DENND4A: variants seen among roughly 807,000 people sequenced by gnomAD.
The protein encoded by DENND4A is DENN domain containing 4A, also known as C-myc promoter-binding protein.
DENND4A carries 70 observed loss-of-function variants against 199.3 expected under a neutral mutation model. The ratio of observed to expected loss-of-function variants is 0.35; its 90% confidence interval spans 0.29 to 0.43. The LOEUF (loss-of-function observed/expected upper bound fraction) is 0.43, where lower values mean the gene tolerates loss of function less well. Among genes scored for constraint, DENND4A ranks in the 20% least tolerant of loss-of-function variants. The pLI is 1.00. For missense variants in DENND4A, 1,723 were observed against 2,255.8 expected (o/e 0.76, Z 4.78); for synonymous variants, 686 against 766.9 (o/e 0.89, Z 1.74).
intron 24 of DENND4A, among the ~76,000 whole-genome samples, chr15:65,674,891 C>T (rs1566990357): frequency 6.6e-6 from 1 of 152,016 alleles, no homozygotes; most frequent in Middle Eastern, 3.2e-3. Context: ...AAGGAGAAAA[C>T]GTTGGCAGCA....
At chr15:65,760,636 C>T (rs1010885287) in intron 2 of DENND4A, among the ~76,000 whole-genome samples, 1 of 152,104 alleles carries the variant, frequency 6.6e-6, no homozygotes, top group Non-Finnish European at 1.5e-5. Context: ...TGCCTATAAT[C>T]CCAGCACTTT....
chr15:65,764,320 A>T (rs2076926616), intron 1 of DENND4A, among the ~76,000 whole-genome samples: 1 of 152,200 alleles, frequency 6.6e-6, no homozygotes, highest in African/African-American at 2.4e-5. Flanking sequence ...CAACACAGCA[A>T]GACCTCATCT....
At chr15:65,769,873 G>C (rs1326136021) in intron 1 of DENND4A, among the ~76,000 whole-genome samples, 2 of 151,752 alleles carry the variant, frequency 1.3e-5, no homozygotes, top group Non-Finnish European at 2.9e-5. Context: ...TATTACAACT[G>C]CTAAACACAG....
chr15:65,668,198 C>A, intron 27 of DENND4A, 75 bp from the exon 28 acceptor site: 2 of 1,026,872 alleles, frequency 1.9e-6, no homozygotes, highest in Non-Finnish European at 2.7e-6. Context: ...ATCATGTTCT[C>A]TCTCTCTCTC....
At chr15:65,718,712 T>G (rs916693061) in intron 12 of DENND4A, among the ~76,000 whole-genome samples, 2 of 151,656 alleles carry the variant, frequency 1.3e-5, no homozygotes, top group Admixed American at 1.3e-4. Context: ...TTGAAAATAT[T>G]TCAAAAACTG....
chr15:65,683,298 C>T (rs1438673504), intron 23 of DENND4A, among the ~76,000 whole-genome samples: 2 of 152,160 alleles, frequency 1.3e-5, no homozygotes, highest in African/African-American at 4.8e-5. Context: ...TCAGTCTAGC[C>T]AGCAGTGTGT....
chr15:65,767,113 T>C (rs944033575), intron 1 of DENND4A, among the ~76,000 whole-genome samples: 2 of 152,164 alleles, frequency 1.3e-5, no homozygotes, highest in Non-Finnish European at 2.9e-5. Context: ...TATAAACACA[T>C]GGTAGGTGTG....
At chr15:65,726,872 C>T (rs1419076587) in intron 11 of DENND4A, among the ~76,000 whole-genome samples, 12 of 151,548 alleles carry the variant, frequency 7.9e-5, no homozygotes, top group Non-Finnish European at 1.8e-4. Flanking sequence ...AGGAGAATTG[C>T]TTGAACCTGG....
At chr15:65,787,797 T>C (rs1567113351) in intron 1 of DENND4A, among the ~76,000 whole-genome samples, 1 of 152,148 alleles carries the variant, frequency 6.6e-6, no homozygotes, top group Non-Finnish European at 1.5e-5. Flanking sequence ...AAAAAAGCAT[T>C]GTGACCCAGG....
At position 65,701,060 on chromosome 15, in the gene DENND4A, T is replaced by G. The variant is rs1353297303; in HGVS notation, c.2692A>C (p.Thr898Pro). 5 of 1,606,048 alleles carry G rather than the reference T, an allele frequency of 3.1e-6. No individual in the cohort carries two copies. The highest frequency in any genetic ancestry group is 4.2e-6 in the Non-Finnish European group (5 of 1,177,870). Residue 898 changes from threonine to proline, a missense_variant, in exon 19 of 33, where the codon ACT becomes CCT. Thr to Pro is a conservative substitution (Grantham distance 38). Transcript: ENST00000443035. ...LKKHAHLSQT[T>P]LSADGSDLDA... Reference sequence around the variant, plus strand: ...CACATACATCCCTTACCTGAGAGAGTTGTTTGTGATAAGTGTGCATGCTTC... The same window carrying G: ...CACATACATCCCTTACCTGAGAGAGGTGTTTGTGATAAGTGTGCATGCTTC...
chr15:65,729,710 AAAT>A, intron 9 of DENND4A, 32 bp from the exon 10 acceptor site: 2 of 1,533,760 alleles, frequency 1.3e-6, no homozygotes, highest in East Asian at 4.9e-5. Flanking sequence ...TATAATTAAA[AAAT>A]AATGATCCAA....
At position 65,787,259 on chromosome 15, in the gene DENND4A, T is replaced by C. The variant is rs73473630; in HGVS notation, c.-102+4751A>G. Reference sequence around the variant, plus strand: ...AAAACAGCTAAACTGTGTGAACTTATGTATGTATATACACTTTAACATACA... The same window carrying C: ...AAAACAGCTAAACTGTGTGAACTTACGTATGTATATACACTTTAACATACA... On this transcript the variant is annotated intron_variant, in intron 1 of 32. Transcript: ENST00000443035. Among the ~76,000 whole-genome samples the C allele has an allele frequency of 3.1e-3, 466 of 152,336 alleles. 1 individual carries two copies. The highest frequency in any genetic ancestry group is 0.011 in the African/African-American group (452 of 41,588).
chr15:65,710,462 T>C (rs1259249837), intron 14 of DENND4A, among the ~76,000 whole-genome samples: 1 of 152,178 alleles, frequency 6.6e-6, no homozygotes, highest in Non-Finnish European at 1.5e-5. Context: ...GTTACACAAA[T>C]GTATGCCACT....
chr15:65,781,735 A>T (rs2077441114), intron 1 of DENND4A, among the ~76,000 whole-genome samples: 1 of 152,226 alleles, frequency 6.6e-6, no homozygotes, highest in South Asian at 2.1e-4. Flanking sequence ...GATGCTTTGG[A>T]AAGATACTGA....
At chr15:65,791,306 T>G (rs2077713047) in intron 1 of DENND4A, among the ~76,000 whole-genome samples, 1 of 152,160 alleles carries the variant, frequency 6.6e-6, no homozygotes. Context: ...TTCCAGCACA[T>G]CTGTCATTTA....
intron 11 of DENND4A, among the ~76,000 whole-genome samples, chr15:65,724,083 C>T (rs769819069): frequency 7.9e-5 from 12 of 151,908 alleles, no homozygotes; most frequent in Admixed American, 2.0e-4. Context: ...AGAGAGACAA[C>T]GTCTCACTCT....
intron 23 of DENND4A, among the ~76,000 whole-genome samples, chr15:65,687,852 T>C (rs1441806089): frequency 6.6e-6 from 1 of 152,224 alleles, no homozygotes; most frequent in Non-Finnish European, 1.5e-5. Context: ...TAGTTTACTT[T>C]TGATGTGTGC....
intron 1 of DENND4A, among the ~76,000 whole-genome samples, chr15:65,781,977 T>C (rs2077446748): frequency 6.6e-6 from 1 of 152,166 alleles, no homozygotes; most frequent in African/African-American, 2.4e-5. Context: ...CAAGAGCAAG[T>C]TTAGTGATAT....
intron 23 of DENND4A, among the ~76,000 whole-genome samples, chr15:65,688,128 TTTAAG>T (rs1372629048): frequency 6.6e-6 from 1 of 152,188 alleles, no homozygotes; most frequent in Non-Finnish European, 1.5e-5. Flanking sequence ...TTACTGTATC[TTTAAG>T]TTTACTTTTC....
Sources: allele counts gnomAD v4.1 joint callset (sites outside exome capture counted in the v4.1 genomes callset), GRCh38; gene constraint gnomAD v4.1.1; transcripts MANE v1.5; gene names NCBI Gene and HGNC (gene_info 2026-07-23, HGNC 2026-07-21).